MSI2: variants seen among roughly 807,000 people sequenced by gnomAD.
MSI2 encodes the protein RNA-binding protein Musashi homolog 2.
A neutral mutation model predicts 45.6 loss-of-function variants in MSI2; 17 were observed. The observed-to-expected ratio is 0.37, with a 90% CI of 0.26 to 0.56. MSI2 has a LOEUF of 0.56. Ranked by LOEUF, MSI2 falls within the 20% of genes least tolerant of loss-of-function variation. The pLI is 0.77. For synonymous variants in MSI2, 156 were observed against 158.2 expected, an observed-to-expected ratio of 0.99 and a Z score of 0.11; for missense variants, 293 against 444.2, an observed-to-expected ratio of 0.66 and a Z score of 3.06.
chr17:57,553,566 G>T (rs1487679244), intron 7 of MSI2, among the ~76,000 whole-genome samples: 2 of 152,212 alleles, frequency 1.3e-5, no homozygotes, highest in East Asian at 3.8e-4. Context: ...AGATGGGGGA[G>T]CTTTCCTGAG....
intron 6 of MSI2, among the ~76,000 whole-genome samples, chr17:57,514,340 A>C (rs949535984): frequency 2.6e-5 from 4 of 152,220 alleles, no homozygotes; most frequent in Non-Finnish European, 2.9e-5. Context: ...CAAGTTATAA[A>C]GTTAGCAAGT....
chr17:57,494,084 G>A (rs1053933846), intron 6 of MSI2, among the ~76,000 whole-genome samples: 4 of 152,092 alleles, frequency 2.6e-5, no homozygotes, highest in East Asian at 1.9e-4. Flanking sequence ...CACAACTACC[G>A]GGTGCGATAA....
At chr17:57,564,324 G>A (rs958083511) in intron 7 of MSI2, among the ~76,000 whole-genome samples, 2 of 152,220 alleles carry the variant, frequency 1.3e-5, no homozygotes, top group African/African-American at 4.8e-5. Flanking sequence ...CAATGGTATG[G>A]CCGTGGCTTG....
rs1381871564 is a variant in MSI2, at chr17:57,584,619, G to A, written c.455-12249G>A. On this transcript the variant is annotated intron_variant, in intron 7 of 13. Transcript: ENST00000284073. ...CTCCAAGTAGTGGTTTCTTGATGGA[G>A]TTTTGGAACCTTATCTGCGGCTGGT... Among the ~76,000 whole-genome samples the A allele has an allele frequency of 3.3e-5, 5 of 152,292 alleles. No homozygotes were observed. In the East Asian group the frequency reaches 9.7e-4, roughly 29 times the overall value.
At chr17:57,534,073 C>T (rs1471913197) in intron 7 of MSI2, among the ~76,000 whole-genome samples, 1 of 152,236 alleles carries the variant, frequency 6.6e-6, no homozygotes, top group East Asian at 1.9e-4. Flanking sequence ...GTGCTTAGCA[C>T]AGTGCTGGCA....
intron 5 of MSI2, among the ~76,000 whole-genome samples, chr17:57,319,613 T>C (rs1439194664): frequency 6.6e-6 from 1 of 152,098 alleles, no homozygotes; most frequent in Non-Finnish European, 1.5e-5. Flanking sequence ...CAAAACCCTC[T>C]TGAGTAGGGG....
chr17:57,465,882 T>C (rs1240714852), intron 6 of MSI2, among the ~76,000 whole-genome samples: 1 of 152,192 alleles, frequency 6.6e-6, no homozygotes, highest in Non-Finnish European at 1.5e-5. Flanking sequence ...TTAGCTCAGC[T>C]CTGAGCCCCG....
chr17:57,303,784 C>G (rs1354234626), intron 5 of MSI2, among the ~76,000 whole-genome samples: 3 of 152,184 alleles, frequency 2.0e-5, no homozygotes, highest in Non-Finnish European at 4.4e-5. Flanking sequence ...GGATGCTAGA[C>G]TGTAAATACC....
At chr17:57,337,898 C>T (rs944771583) in intron 5 of MSI2, among the ~76,000 whole-genome samples, 47 of 152,202 alleles carry the variant, frequency 3.1e-4, no homozygotes, top group African/African-American at 1.0e-3. Context: ...GAATTAGAAT[C>T]ACGCTGTGTT....
At chr17:57,405,176 G>A (rs921835754) in intron 6 of MSI2, among the ~76,000 whole-genome samples, 30 of 152,292 alleles carry the variant, frequency 2.0e-4, no homozygotes, top group African/African-American at 6.7e-4. Flanking sequence ...TGCTGGCCTC[G>A]GCTTCTCTTC....
intron 7 of MSI2, among the ~76,000 whole-genome samples, chr17:57,558,789 G>T (rs975519964): frequency 6.6e-6 from 1 of 152,194 alleles, no homozygotes. Context: ...AGCCAAGCGC[G>T]GTGGCTCACG....
chr17:57,591,802 G>T (rs1238164522), intron 7 of MSI2, among the ~76,000 whole-genome samples: 2 of 151,936 alleles, frequency 1.3e-5, no homozygotes, highest in African/African-American at 4.8e-5. Flanking sequence ...TATTTAACGG[G>T]TACAGAAAAG....
chr17:57,381,303 C>A (rs7207713), intron 5 of MSI2, among the ~76,000 whole-genome samples: 1 of 152,142 alleles, frequency 6.6e-6, no homozygotes, highest in Admixed American at 6.5e-5. Context: ...TGGATTCAAG[C>A]GATCTGCCTG....
At chr17:57,329,148 G>T (rs1273512090) in intron 5 of MSI2, among the ~76,000 whole-genome samples, 1 of 152,144 alleles carries the variant, frequency 6.6e-6, no homozygotes, top group African/African-American at 2.4e-5. Context: ...AAGATGCTGG[G>T]ATTGTGTGTT....
chr17:57,443,213 G>A lies in MSI2; in HGVS notation c.405+41742G>A, dbSNP rs147284449. On this transcript the variant is annotated intron_variant, in intron 6 of 13. Coordinates refer to ENST00000284073, the MANE Select transcript of MSI2 (RefSeq NM_138962.4). ...GGCTTCGGCCTTGGGTAAAGGGAGT[G>A]GGGGGCCATGTGTGGAGCCCTCTGG... 7.5e-3 allele frequency among the ~76,000 whole-genome samples: 1,136 copies of A among 152,258 alleles called. 10 individuals are homozygous for A. Among genetic ancestry groups the A allele is most frequent in the African/African-American group, 0.026 (1,077 of 41,548 alleles).
chr17:57,316,059 C>G (rs1469308294), intron 5 of MSI2, among the ~76,000 whole-genome samples: 1 of 151,918 alleles, frequency 6.6e-6, no homozygotes, highest in East Asian at 1.9e-4. Flanking sequence ...TAGAGGTGTT[C>G]TTCAGAGAAA....
intron 6 of MSI2, among the ~76,000 whole-genome samples, chr17:57,414,152 G>A (rs993997047): frequency 9.8e-5 from 15 of 152,308 alleles, no homozygotes; most frequent in East Asian, 1.9e-4. Flanking sequence ...ATGGGAATAC[G>A]GAAGAGGGAA....
chr17:57,605,244 T>C (rs1906419879), intron 8 of MSI2, among the ~76,000 whole-genome samples: 1 of 152,188 alleles, frequency 6.6e-6, no homozygotes, highest in African/African-American at 2.4e-5. Flanking sequence ...ATGCTGTTTG[T>C]GTACAGGCTG....
At chr17:57,516,186 T>C (rs2086466108) in intron 6 of MSI2, among the ~76,000 whole-genome samples, 1 of 152,186 alleles carries the variant, frequency 6.6e-6, no homozygotes, top group Non-Finnish European at 1.5e-5. Flanking sequence ...CTTGTGTTTC[T>C]CCTTAATAGT....
Sources: gnomAD v4.1 joint callset for allele counts (sites outside exome capture counted in the v4.1 genomes callset) on GRCh38, gnomAD v4.1.1 for gene constraint, MANE v1.5 for transcripts, NCBI Gene and HGNC (gene_info 2026-07-23, HGNC 2026-07-21) for gene names.